Variants in CADM1 observed in about 807,000 individuals in gnomAD.
The protein encoded by CADM1 is TSLC-1.
In CADM1, 15 loss-of-function variants were observed where a neutral mutation model predicts 53.1. The ratio of observed to expected loss-of-function variants is 0.28; its 90% CI spans 0.19 to 0.44. The LOEUF (loss-of-function observed/expected upper bound fraction) is 0.44. Ranked by LOEUF, CADM1 falls within the 20% of genes least tolerant of loss-of-function variation. The pLI, the probability that CADM1 is intolerant of heterozygous loss-of-function variation, is 1.00. For synonymous variants in CADM1, 281 were observed against 243.0 expected, an observed-to-expected ratio of 1.16 and a Z score of -1.45; for missense variants, 434 against 611.3, an observed-to-expected ratio of 0.71 and a Z score of 3.06.
chr11:115,347,428 A>T (rs1945609867), intron 1 of CADM1, among the ~76,000 whole-genome samples: 1 of 152,178 alleles, frequency 6.6e-6, no homozygotes, highest in Non-Finnish European at 1.5e-5. Context: ...GGTCCATTTT[A>T]ATATTAGCAT....
At chr11:115,342,422 TA>T (rs1182176367) in intron 1 of CADM1, among the ~76,000 whole-genome samples, 1 of 152,118 alleles carries the variant, frequency 6.6e-6, no homozygotes, top group Non-Finnish European at 1.5e-5. Flanking sequence ...GGAAGGAAGA[TA>T]AAGAGATTCT....
chr11:115,180,627 AT>A (rs112512887), intron 10 of CADM1, among the ~76,000 whole-genome samples: 5,010 of 145,188 alleles, frequency 0.035, 219 homozygotes, highest in African/African-American at 0.11. Flanking sequence ...CGGTCAAGGG[AT>A]TTTTTTTTTT....
chr11:115,284,085 A>ACTCTCTCT (rs1449186377), intron 1 of CADM1, among the ~76,000 whole-genome samples: 3 of 23,418 alleles, frequency 1.3e-4, no homozygotes, highest in African/African-American at 2.9e-4. Context: ...ACAAGCCCAG[A>ACTCTCTCT]CACTCTCTCT....
At chr11:115,389,749 G>C (rs917529670) in intron 1 of CADM1, among the ~76,000 whole-genome samples, 2 of 151,950 alleles carry the variant, frequency 1.3e-5, no homozygotes, top group African/African-American at 4.8e-5. Context: ...GTTCCTAGGA[G>C]ATGGTTCATG....
chr11:115,492,955 A>ACG (rs1949531620), intron 1 of CADM1, among the ~76,000 whole-genome samples: 1 of 151,462 alleles, frequency 6.6e-6, no homozygotes, highest in Admixed American at 6.6e-5. Flanking sequence ...ACACACACAC[A>ACG]CACACACCCT....
intron 10 of CADM1, chr11:115,179,037 A>G: frequency 4.2e-6 from 2 of 477,552 alleles, no homozygotes; most frequent in Non-Finnish European, 7.8e-6. Flanking sequence ...GAGGCAGGGA[A>G]GGAAGAAATA....
At chr11:115,328,716 GTA>G (rs1178584492) in intron 1 of CADM1, among the ~76,000 whole-genome samples, 5 of 58,374 alleles carry the variant, frequency 8.6e-5, no homozygotes, top group African/African-American at 3.8e-4. Flanking sequence ...ATATATATGT[GTA>G]TATATATGTA....
intron 8 of CADM1, 147 bp from the exon 9 acceptor site, chr11:115,198,585 C>A: frequency 2.4e-5 from 16 of 673,724 alleles, no homozygotes; most frequent in Admixed American, 2.1e-4. Flanking sequence ...AAATGAAAAG[C>A]AAAAAGCATT....
chr11:115,182,319 T>C (rs961825517), intron 10 of CADM1, among the ~76,000 whole-genome samples: 7 of 152,198 alleles, frequency 4.6e-5, no homozygotes, highest in African/African-American at 1.4e-4. Flanking sequence ...TAGAAAGCCA[T>C]GTTTTCTTGT....
intron 1 of CADM1, among the ~76,000 whole-genome samples, chr11:115,299,545 A>T (rs1944165210): frequency 6.6e-6 from 1 of 152,178 alleles, no homozygotes; most frequent in South Asian, 2.1e-4. Flanking sequence ...TGGTGGAAAG[A>T]TGTTTAAAAG....
chr11:115,381,876 C>T (rs1591764338), intron 1 of CADM1, among the ~76,000 whole-genome samples: 1 of 152,162 alleles, frequency 6.6e-6, no homozygotes, highest in East Asian at 1.9e-4. Flanking sequence ...ACAGAAGTCT[C>T]GCTCTGACAC....
intron 1 of CADM1, among the ~76,000 whole-genome samples, chr11:115,449,930 T>A (rs1321345958): frequency 6.6e-6 from 1 of 152,134 alleles, no homozygotes; most frequent in Non-Finnish European, 1.5e-5. Context: ...ATGCCATATC[T>A]CTTTATAGGA....
At chr11:115,219,077 G>A (rs1215500092) in intron 5 of CADM1, among the ~76,000 whole-genome samples, 1 of 152,122 alleles carries the variant, frequency 6.6e-6, no homozygotes, top group Non-Finnish European at 1.5e-5. Flanking sequence ...GTACCCAAGA[G>A]TAATAAATGT....
chr11:115,234,707 A>G (rs1233707753), intron 3 of CADM1, among the ~76,000 whole-genome samples: 1 of 152,028 alleles, frequency 6.6e-6, no homozygotes, highest in African/African-American at 2.4e-5. Context: ...AGCCTGGCCA[A>G]CATGGTGAAA....
chr11:115,208,182 T>C (rs1048234879), intron 8 of CADM1, among the ~76,000 whole-genome samples: 1 of 151,876 alleles, frequency 6.6e-6, no homozygotes, highest in Non-Finnish European at 1.5e-5. Flanking sequence ...GAGTTTAGAG[T>C]GAGACATGAA....
chr11:115,397,663 T>C (rs1947035385), intron 1 of CADM1: 1 of 151,942 alleles, frequency 6.6e-6, no homozygotes. Flanking sequence ...AACCAACACA[T>C]GATCTGTATA....
chr11:115,270,143 T>C (rs1489000301), intron 1 of CADM1, among the ~76,000 whole-genome samples: 1 of 152,142 alleles, frequency 6.6e-6, no homozygotes, highest in Non-Finnish European at 1.5e-5. Flanking sequence ...TCTTTCCAAT[T>C]TAGACTTCTA....
intron 1 of CADM1, among the ~76,000 whole-genome samples, chr11:115,412,291 C>G (rs935627595): frequency 6.6e-6 from 1 of 152,134 alleles, no homozygotes; most frequent in African/African-American, 2.4e-5. Flanking sequence ...CCTCCCTGGT[C>G]TCAGGTGATC....
chr11:115,484,669 C>T (rs967354373), intron 1 of CADM1, among the ~76,000 whole-genome samples: 8 of 152,234 alleles, frequency 5.3e-5, no homozygotes, highest in South Asian at 4.1e-4. Flanking sequence ...AAACCTGGGC[C>T]GGGCGCGGTG....
Sources: gnomAD v4.1 joint callset for allele counts (sites outside exome capture counted in the v4.1 genomes callset) on GRCh38, gnomAD v4.1.1 for gene constraint, MANE v1.5 for transcripts, NCBI Gene and HGNC (gene_info 2026-07-23, HGNC 2026-07-21) for gene names.